The following GGT5 variants were observed in gnomAD, a reference collection of about 807,000 sequenced individuals.
GGT5 encodes gamma-glutamyltransferase 5.
GGT5 carries 50 observed loss-of-function variants against 58.1 expected under a neutral mutation model. That is an observed-to-expected ratio of 0.86 (90% CI 0.69 to 1.09). The LOEUF is 1.09. Ranked by LOEUF, GGT5 falls within the 50% of genes least tolerant of loss-of-function variation. The pLI is 0.00. For synonymous variants in GGT5, 370 were observed against 346.1 expected (o/e 1.07, Z -0.77); for missense variants, 800 against 789.4 (o/e 1.01, Z -0.16).
In GGT5 at chr22:24,233,999, A is replaced by T; in HGVS notation, c.179T>A (p.Ile60Asn). 1 of 1,608,406 alleles carries T rather than the reference A, an allele frequency of 6.2e-7. No homozygotes were observed. Among genetic ancestry groups the T allele is most frequent in the Non-Finnish European group, 8.5e-7 (1 of 1,177,876 alleles). Residue 60 changes from isoleucine (I) to asparagine (N), a missense_variant, in exon 2 of 12, where the codon ATC becomes AAC. Physicochemically the swap from Ile to Asn is moderately radical, Grantham distance 149. Transcript: ENST00000327365. ...CACGGGTGAGCCCTGCTGCTGGAGG[A>T]TGGCTCTAGGGGACATGGCACAGAG... ...SKVCSDIGRA[I>N]LQQQGSPVDA...
Position 24,234,676 on chromosome 22 carries a change from T to A in GGT5, c.174-672A>T, listed in dbSNP as rs1449510432. Among the ~76,000 whole-genome samples the A allele has an allele frequency of 3.3e-5, 5 of 152,112 alleles. No homozygotes were observed. The East Asian group carries it at 9.7e-4, about 29-fold the overall frequency. On this transcript the variant is annotated intron_variant, in intron 1 of 11. Transcript: ENST00000327365. ...CTCTACTAAAAATACAAAAATTAGC[T>A]GAATGTGATGGCGGGCACCTGTAAT...
intron 1 of GGT5, among the ~76,000 whole-genome samples, chr22:24,238,837 ATATATATAT>A (rs1160496736): frequency 1.6e-3 from 23 of 14,766 alleles, no homozygotes; most frequent in African/African-American, 4.2e-3. Flanking sequence ...ATATATTTAT[ATATATATAT>A]TATATATATT....
chr22:24,239,264 A>C (rs866003601), intron 1 of GGT5, among the ~76,000 whole-genome samples: 3 of 151,280 alleles, frequency 2.0e-5, no homozygotes, highest in Non-Finnish European at 4.4e-5. Flanking sequence ...GCGTGAACCC[A>C]GGAGGCAGAG....
intron 1 of GGT5, among the ~76,000 whole-genome samples, chr22:24,238,924 TAA>T: frequency 2.6e-4 from 6 of 23,242 alleles, no homozygotes; most frequent in African/African-American, 1.2e-3. Context: ...ATTATATATA[TAA>T]TATATATTAT....
At chr22:24,223,452 C>CTT (rs1185413389) in intron 11 of GGT5, among the ~76,000 whole-genome samples, 1 of 152,082 alleles carries the variant, frequency 6.6e-6, no homozygotes. Flanking sequence ...AGGATGTGCC[C>CTT]TGGATCTTGA....
chr22:24,244,552 C>G lies in GGT5; in HGVS notation c.173+1G>C, dbSNP rs2048419742. 6.2e-7 allele frequency: 1 copy of G among 1,610,058 alleles called. No homozygotes were observed. Among genetic ancestry groups the G allele is most frequent in the African/African-American group, 1.3e-5 (1 of 74,964 alleles). ...CCAGCTTCCTCCCACGTCTCACTCACCGTCCAATATCCGAGCAGACCTTGG... is the reference window on the plus strand; with the variant it reads ...CCAGCTTCCTCCCACGTCTCACTCAGCGTCCAATATCCGAGCAGACCTTGG... On this transcript the variant is annotated splice_donor_variant, in intron 1 of 11. Coordinates refer to ENST00000327365, the MANE Select transcript of GGT5 (RefSeq NM_004121.5). LOFTEE classifies it high-confidence loss of function.
At chr22:24,223,709 C>T (rs886837201) in intron 11 of GGT5, among the ~76,000 whole-genome samples, 1 of 149,412 alleles carries the variant, frequency 6.7e-6, no homozygotes, top group Non-Finnish European at 1.5e-5. Flanking sequence ...AGTCTCATAA[C>T]AGGAGAGGCA....
chr22:24,236,540 G>C (rs1035913392), intron 1 of GGT5, among the ~76,000 whole-genome samples: 1 of 152,206 alleles, frequency 6.6e-6, no homozygotes, highest in Admixed American at 6.5e-5. Flanking sequence ...CAGGCAGGCA[G>C]ATCATGAGGT....
chr22:24,231,155 C>T (rs775366336), intron 6 of GGT5, among the ~76,000 whole-genome samples: 3 of 152,206 alleles, frequency 2.0e-5, no homozygotes, highest in Non-Finnish European at 4.4e-5. Context: ...AATGATATCA[C>T]GCCCTTCAGC....
At position 24,233,613 on chromosome 22, in the gene GGT5, G is replaced by A. The variant is rs983031791; in HGVS notation, c.305-20C>T. 5 of 1,504,106 alleles carry A rather than the reference G, an allele frequency of 3.3e-6. No homozygotes were observed. Among genetic ancestry groups the A allele is most frequent in the Non-Finnish European group, 4.6e-6 (5 of 1,094,056 alleles). 93.2% of individuals were successfully genotyped at this position (1,504,106 alleles called of 1,614,324 possible). On this transcript the variant is annotated intron_variant, in intron 2 of 11. Coordinates refer to ENST00000327365, the MANE Select transcript of GGT5 (RefSeq NM_004121.5). ...CCTTCCCTGGAGTAGGGCAGGGCAGGTGAGTGGTCATGGACCCTGCAGACA... is the reference window on the plus strand; with the variant it reads ...CCTTCCCTGGAGTAGGGCAGGGCAGATGAGTGGTCATGGACCCTGCAGACA...
chr22:24,235,050 C>CTTTTT (rs71189232), intron 1 of GGT5, among the ~76,000 whole-genome samples: 4 of 75,662 alleles, frequency 5.3e-5, no homozygotes, highest in Non-Finnish European at 7.5e-5. Flanking sequence ...AAGAAGCCAG[C>CTTTTT]TTTTTTTTTT....
rs534093720 is a variant in GGT5, at chr22:24,222,809, G to A, written c.1614+2187C>T. Reference sequence around the variant, plus strand: ...AGTCAAGGGAGGGGCCGGGCGCGGTGGCTCACGCCTATAATCCCAGCACTT... The same window carrying A: ...AGTCAAGGGAGGGGCCGGGCGCGGTAGCTCACGCCTATAATCCCAGCACTT... On this transcript the variant is annotated intron_variant, in intron 11 of 11. Transcript: ENST00000327365. Among the ~76,000 whole-genome samples, 4 of 152,324 alleles carry A rather than the reference G, an allele frequency of 2.6e-5. No individual in the cohort carries two copies. The East Asian group carries it at 5.8e-4, about 22-fold the overall frequency.
At chr22:24,224,869 GC>G in intron 11 of GGT5, 126 bp downstream of exon 11, 2 of 662,248 alleles carry the variant, frequency 3.0e-6, no homozygotes. Flanking sequence ...AACTCCTATG[GC>G]CCCCAAAGTT....
intron 11 of GGT5, among the ~76,000 whole-genome samples, chr22:24,222,880 A>T (rs982767783): frequency 6.6e-6 from 1 of 150,808 alleles, no homozygotes; most frequent in Non-Finnish European, 1.5e-5. Context: ...GATCGAGACC[A>T]TCCTGGCTAA....
At chr22:24,241,686 T>C in intron 1 of GGT5, 1 of 151,912 alleles carries the variant, frequency 6.6e-6, no homozygotes, top group Non-Finnish European at 1.5e-5. Flanking sequence ...CAGGAACGAG[T>C]AGAATATCCA....
chr22:24,226,171 C>G lies in GGT5; in HGVS notation c.1134G>C (p.Leu378Phe). ...RGDHQLSHYS[L>F]AEAWGHGTGT... ...CTGTCCCGTGGCCCCAGGCCTCGGC[C>G]AAGCTGTAGTGGCTGAGCTGGTGGT... The change falls in exon 8 of 12, where the codon TTG (leucine) becomes TTC (phenylalanine). Residue 378 changes from leucine (L) to phenylalanine (F), a missense_variant. Leu to Phe is a conservative substitution (Grantham distance 22). Coordinates refer to ENST00000327365, the MANE Select transcript of GGT5 (RefSeq NM_004121.5). 1.2e-6 allele frequency: 2 copies of G among 1,611,322 alleles called. No individual in the cohort carries two copies. Among genetic ancestry groups the G allele is most frequent in the South Asian group, 2.2e-5 (2 of 91,062 alleles).
chr22:24,231,550 G>T lies in GGT5; in HGVS notation c.755-20C>A. The T allele has an allele frequency of 3.2e-6, 5 of 1,583,346 alleles. No individual in the cohort carries two copies. The highest frequency in any genetic ancestry group is 4.3e-6 in the Non-Finnish European group (5 of 1,164,748). On this transcript the variant is annotated intron_variant, in intron 5 of 11. Coordinates refer to ENST00000327365, the MANE Select transcript of GGT5 (RefSeq NM_004121.5). ...GGCTCCCTGGGATGAGAAGGAGAGG[G>T]CTCCATGAACAGATGGGAAACTGAG...
Position 24,244,817 on chromosome 22 carries a change from C to G in GGT5, c.-92G>C, listed in dbSNP as rs2048432598. The stretch of plus-strand genomic sequence containing the variant: ...GAATGGACAAGAAGATGCACAGAGT[C>G]ACAGGTAATTGGACAGATGGACAAA... On this transcript the variant is annotated 5_prime_UTR_variant, in exon 1 of 12. Coordinates refer to ENST00000327365, the MANE Select transcript of GGT5 (RefSeq NM_004121.5). 1.5e-5 allele frequency: 22 copies of G among 1,480,160 alleles called. No individual in the cohort carries two copies. The East Asian group carries it at 5.5e-4, about 37-fold the overall frequency. The allele number at this position is 1,480,160 out of a possible 1,614,324, so 91.7% of individuals were successfully genotyped here.
chr22:24,232,721 C>T, intron 4 of GGT5, 102 bp downstream of exon 4: 2 of 749,122 alleles, frequency 2.7e-6, no homozygotes, highest in Middle Eastern at 3.5e-4. Flanking sequence ...GAGGGTCAAT[C>T]CTCCAGTGTA....
Sources: gnomAD v4.1 joint callset for allele counts (sites outside exome capture counted in the v4.1 genomes callset) on GRCh38, gnomAD v4.1.1 for gene constraint, MANE v1.5 for transcripts, NCBI Gene and HGNC (gene_info 2026-07-23, HGNC 2026-07-21) for gene names.